The following CAMK2B variants were observed in gnomAD, a reference collection of about 807,000 sequenced individuals.
CAMK2B encodes calcium/calmodulin dependent protein kinase II beta, also known as calcium/calmodulin-dependent protein kinase type II subunit beta.
Under a neutral mutation model 93.7 loss-of-function variants are expected in CAMK2B, and 27 were observed. The observed-to-expected ratio is 0.29, with a 90% confidence interval of 0.21 to 0.40. The LOEUF (loss-of-function observed/expected upper bound fraction) is 0.40. Ranked by LOEUF, CAMK2B falls within the 10% of genes least tolerant of loss-of-function variation. The pLI is 1.00. For missense variants in CAMK2B, 568 were observed against 895.8 expected (o/e 0.63, Z 4.67); for synonymous variants, 374 against 358.8 (o/e 1.04, Z -0.48).
chr7:44,222,724 A>G (rs1195761964), intron 20 of CAMK2B, among the ~76,000 whole-genome samples: 4 of 152,164 alleles, frequency 2.6e-5, no homozygotes, highest in Admixed American at 2.6e-4. Context: ...GATTACAGGT[A>G]TGAGCCACTG....
In CAMK2B at chr7:44,275,850, C is replaced by T. The variant is rs545712531; in HGVS notation, c.160+8281G>A. 1.8e-3 allele frequency among the ~76,000 whole-genome samples: 269 copies of T among 152,300 alleles called. 1 individual carries two copies. Among genetic ancestry groups the T allele is most frequent in the African/African-American group, 5.7e-3 (236 of 41,562 alleles). On this transcript the variant is annotated intron_variant, in intron 2 of 23. Coordinates refer to ENST00000395749, the MANE Select transcript of CAMK2B (RefSeq NM_001220.5). ...CCTTCTGTACCTGGATGCAGGGTCCCTTCCCCATAATCCCAATTCAGGGAC... is the reference window on the plus strand; with the variant it reads ...CCTTCTGTACCTGGATGCAGGGTCCTTTCCCCATAATCCCAATTCAGGGAC...
intron 3 of CAMK2B, among the ~76,000 whole-genome samples, chr7:44,261,849 G>T (rs2096881488): frequency 6.6e-6 from 1 of 152,156 alleles, no homozygotes; most frequent in Non-Finnish European, 1.5e-5. Flanking sequence ...TAAAGTCCTG[G>T]GTTACTAAGA....
At chr7:44,246,230 G>T (rs2096728235) in intron 6 of CAMK2B, among the ~76,000 whole-genome samples, 1 of 152,096 alleles carries the variant, frequency 6.6e-6, no homozygotes. Context: ...CCACAGTGGA[G>T]TCTTGGTGGG....
intron 2 of CAMK2B, among the ~76,000 whole-genome samples, chr7:44,276,493 C>T (rs939957081): frequency 2.6e-5 from 4 of 152,116 alleles, no homozygotes; most frequent in Non-Finnish European, 2.9e-5. Flanking sequence ...AAAGGGGGGG[C>T]GTGCAGGCTT....
chr7:44,241,628 G>C, intron 11 of CAMK2B, 72 bp downstream of exon 11: 1 of 1,231,786 alleles, frequency 8.1e-7, no homozygotes, highest in South Asian at 1.2e-5. Flanking sequence ...GACCCCCCAA[G>C]GCCCCCCTGC....
At chr7:44,293,970 C>T (rs1787568229) in intron 1 of CAMK2B, among the ~76,000 whole-genome samples, 1 of 152,222 alleles carries the variant, frequency 6.6e-6, no homozygotes, top group Non-Finnish European at 1.5e-5. Context: ...AGCCGGGACC[C>T]TCTGGGTCAT....
At chr7:44,256,668 C>T (rs1268776789) in intron 4 of CAMK2B, among the ~76,000 whole-genome samples, 3 of 152,262 alleles carry the variant, frequency 2.0e-5, no homozygotes, top group South Asian at 2.1e-4. Context: ...GCTCTGCAGA[C>T]GCCGAGTCCA....
intron 4 of CAMK2B, among the ~76,000 whole-genome samples, chr7:44,255,814 A>G (rs2096828890): frequency 6.6e-6 from 1 of 152,120 alleles, no homozygotes; most frequent in Non-Finnish European, 1.5e-5. Context: ...AAGAAAAGTG[A>G]GCATGTGTTG....
At chr7:44,236,552 A>C (rs1309920227) in intron 13 of CAMK2B, among the ~76,000 whole-genome samples, 1 of 152,132 alleles carries the variant, frequency 6.6e-6, no homozygotes, top group African/African-American at 2.4e-5. Context: ...CAGGACCAGA[A>C]ATGCCGACTG....
intron 16 of CAMK2B, 70 bp from the exon 17 acceptor site, chr7:44,231,124 G>A: frequency 7.9e-7 from 1 of 1,270,474 alleles, no homozygotes; most frequent in Non-Finnish European, 1.1e-6. Flanking sequence ...GAGGGCAGGT[G>A]GACAGGGCTG....
chr7:44,322,176 G>T (rs371608373), intron 1 of CAMK2B, among the ~76,000 whole-genome samples: 2 of 152,208 alleles, frequency 1.3e-5, no homozygotes, highest in Non-Finnish European at 2.9e-5. Flanking sequence ...ACACATCGAC[G>T]AGCACAGGTG....
At chr7:44,283,805 C>T (rs1413604454) in intron 2 of CAMK2B, among the ~76,000 whole-genome samples, 5 of 152,228 alleles carry the variant, frequency 3.3e-5, no homozygotes, top group Non-Finnish European at 7.3e-5. Context: ...CCCCCATACA[C>T]GGGATGGGGA....
chr7:44,240,089 G>A (rs1219720107), intron 12 of CAMK2B, among the ~76,000 whole-genome samples: 3 of 151,916 alleles, frequency 2.0e-5, no homozygotes, highest in Non-Finnish European at 4.4e-5. Flanking sequence ...GTCGGACGAC[G>A]GAGAAGCCAC....
chr7:44,306,932 A>G (rs1369070372), intron 1 of CAMK2B, among the ~76,000 whole-genome samples: 1 of 111,832 alleles, frequency 8.9e-6, no homozygotes, highest in African/African-American at 3.7e-5. Flanking sequence ...GGGTGTGAGC[A>G]GGAAGAGAAG....
intron 2 of CAMK2B, among the ~76,000 whole-genome samples, chr7:44,266,571 G>A (rs1435937393): frequency 6.6e-6 from 1 of 152,190 alleles, no homozygotes; most frequent in Non-Finnish European, 1.5e-5. Context: ...ATTCTGGGGG[G>A]TTCTGGTCCC....
chr7:44,231,022 C>G lies in CAMK2B; in HGVS notation c.1209G>C (p.Glu403Asp). 2 of 1,555,114 alleles carry G rather than the reference C, an allele frequency of 1.3e-6. No homozygotes were observed. The highest frequency in any genetic ancestry group is 2.4e-5 in the East Asian group (1 of 41,142). Residue 403 changes from glutamate (E) to aspartate (D), a missense_variant, in exon 17 of 24, where the codon GAG (glutamate) becomes GAC (aspartate). Physicochemically the swap from Glu to Asp is conservative, Grantham distance 45. This residue lies in a region of CAMK2B where 308 missense variants were observed against 292.1 expected (regional missense o/e 1.05). Coordinates refer to ENST00000395749, the MANE Select transcript of CAMK2B (RefSeq NM_001220.5). Reference sequence around the variant, plus strand: ...TGCAGGTACCTTTAGCGTCTTCATCCTCTATGGTGGTATTGGCACTGTCAG... The same window carrying G: ...TGCAGGTACCTTTAGCGTCTTCATCGTCTATGGTGGTATTGGCACTGTCAG... Reference protein sequence around the residue: ...ESSDSANTTIEDEDAKAPRVP... With the variant: ...ESSDSANTTIDDEDAKAPRVP...
chr7:44,308,530 C>T (rs897309184), intron 1 of CAMK2B, among the ~76,000 whole-genome samples: 1 of 152,140 alleles, frequency 6.6e-6, no homozygotes, highest in Admixed American at 6.5e-5. Context: ...GTGCATCCCC[C>T]CACTTCCTTG....
At chr7:44,324,808 G>A (rs1797051720) in intron 1 of CAMK2B, among the ~76,000 whole-genome samples, 1 of 152,164 alleles carries the variant, frequency 6.6e-6, no homozygotes, top group African/African-American at 2.4e-5. Context: ...AGATTCCCCA[G>A]GGGACCTACA....
At chr7:44,268,879 C>T (rs537166065) in intron 2 of CAMK2B, 1 of 152,414 alleles carries the variant, frequency 6.6e-6, no homozygotes, top group South Asian at 2.1e-4. Flanking sequence ...TGCCACATGC[C>T]AGGCACCGTC....
Sources: allele counts gnomAD v4.1 joint callset (sites outside exome capture counted in the v4.1 genomes callset), GRCh38; gene constraint gnomAD v4.1.1; regional missense constraint gnomAD v4.1.1; transcripts MANE v1.5; gene names NCBI Gene and HGNC (gene_info 2026-07-23, HGNC 2026-07-21).